TBC1D9B: variants seen among roughly 807,000 people sequenced by gnomAD.
TBC1D9B encodes TBC1 domain family, member 9B (with GRAM domain).
Under a neutral mutation model 121.1 loss-of-function variants are expected in TBC1D9B, and 87 were observed. That is an observed-to-expected ratio of 0.72 (90% CI 0.60 to 0.86). The LOEUF is 0.86. Among genes scored for constraint, TBC1D9B ranks in the 40% least tolerant of loss-of-function variants. The probability of loss-of-function intolerance (pLI) is 0.00; values close to 1 mark genes in which losing one functional copy is unlikely to be tolerated. For synonymous variants in TBC1D9B, 668 were observed against 670.1 expected, an observed-to-expected ratio of 1.00 and a Z score of 0.05; for missense variants, 1,540 against 1,628.6, an observed-to-expected ratio of 0.95 and a Z score of 0.94.
chr5:179,865,411 G>A lies in TBC1D9B; in HGVS notation c.2915-51C>T, dbSNP rs756491368. On this transcript the variant is annotated intron_variant, in intron 19 of 20. Coordinates refer to ENST00000355235, the MANE Select transcript of TBC1D9B (RefSeq NM_015043.4). This position sits in a 1 kb window ranked among gnomAD's most constrained non-coding sequence, Gnocchi z 5.1. ...ATCTTTGTCATGTGAGACGGCTGCG[G>A]GCTGACAGCAGGGAGAGGAAGAGTT... 6 of 1,554,124 alleles carry A rather than the reference G, an allele frequency of 3.9e-6. No individual in the cohort carries two copies. In the East Asian group the frequency reaches 9.0e-5, roughly 23 times the overall value.
At chr5:179,877,554 C>A (rs11952949) in intron 10 of TBC1D9B, among the ~76,000 whole-genome samples, 3 of 151,148 alleles carry the variant, frequency 2.0e-5, no homozygotes, top group African/African-American at 7.3e-5. Flanking sequence ...ATCCCAGCTA[C>A]TCAAGAGGCT....
At chr5:179,882,780 C>G (rs750343291) in intron 7 of TBC1D9B, among the ~76,000 whole-genome samples, 8 of 152,140 alleles carry the variant, frequency 5.3e-5, no homozygotes, top group Non-Finnish European at 1.2e-4. Flanking sequence ...ACCTGGGAGG[C>G]AGAGGTTGCA....
chr5:179,900,536 T>C (rs1410338441), intron 2 of TBC1D9B, among the ~76,000 whole-genome samples: 1 of 152,124 alleles, frequency 6.6e-6, no homozygotes, highest in Admixed American at 6.5e-5. Context: ...TCAGATTCTG[T>C]AAGGTGGCCG....
At position 179,890,431 on chromosome 5, in the gene TBC1D9B, C is replaced by T. The variant is rs778752937; in HGVS notation, c.1044+948G>A. ...TGGGGGACAGGTCAGTACAGTGCCC[C>T]GGACAGATCCACAGGGCCCTGGTGC... On this transcript the variant is annotated intron_variant, in intron 6 of 20. Transcript: ENST00000355235. The surrounding 1 kb of genome is among the most constrained non-coding windows in gnomAD (Gnocchi z 5.0). 5.5e-4 allele frequency among the ~76,000 whole-genome samples: 83 copies of T among 152,276 alleles called. No homozygotes were observed. The highest frequency in any genetic ancestry group is 7.9e-4 in the Non-Finnish European group (54 of 68,018).
rs756007870 is a variant in TBC1D9B at position 179,899,220 on chromosome 5, T to TCTTC, written c.313_316dup (p.Asp106GlyfsTer37). 1 of 1,613,936 alleles carries TCTTC rather than the reference T, an allele frequency of 6.2e-7. No individual in the cohort carries two copies. Among genetic ancestry groups the TCTTC allele is most frequent in the South Asian group, 1.1e-5 (1 of 91,064 alleles). On this transcript the variant is annotated frameshift_variant, in exon 3 of 21. Coordinates refer to ENST00000355235, the MANE Select transcript of TBC1D9B (RefSeq NM_015043.4). LOFTEE classifies it high-confidence loss of function. ...CTTGCCCTTGACGAAGGTGGTGATATCTTCCTCACTGTCGAAGATGGACAG... is the reference window on the plus strand; with the variant it reads ...CTTGCCCTTGACGAAGGTGGTGATATCTTCCTTCCTCACTGTCGAAGATGGACAG...
rs1181672064 is a variant in TBC1D9B at position 179,893,342 on chromosome 5, C to T, written c.703G>A (p.Gly235Ser). The change falls in exon 5 of 21, where the codon GGC (glycine) becomes AGC (serine). Residue 235 changes from glycine (G) to serine (S), a missense_variant. Transcript: ENST00000355235. Reference sequence around the variant, plus strand: ...TGCTCCATGAGCTTGAAGGTCTCGCCGATGTTGAGGAACATGGAGAAGAAG... The same window carrying T: ...TGCTCCATGAGCTTGAAGGTCTCGCTGATGTTGAGGAACATGGAGAAGAAG... The part of the protein sequence containing the change: ...ELFFSMFLNI[G>S]ETFKLMEQLA... 6.2e-6 allele frequency: 10 copies of T among 1,614,028 alleles called. No homozygotes were observed. The East Asian group carries it at 6.7e-5, about 11-fold the overall frequency.
intron 7 of TBC1D9B, among the ~76,000 whole-genome samples, chr5:179,886,192 C>G (rs1429923370): frequency 6.6e-6 from 1 of 152,196 alleles, no homozygotes; most frequent in African/African-American, 2.4e-5. Context: ...TACCCACAGC[C>G]CTTATCACTG....
chr5:179,880,662 T>C (rs1044427254), intron 7 of TBC1D9B, among the ~76,000 whole-genome samples: 11 of 152,166 alleles, frequency 7.2e-5, no homozygotes, highest in African/African-American at 1.9e-4. Flanking sequence ...ACGTACCAAA[T>C]TGTATTCCTT....
chr5:179,863,296 T>C lies in TBC1D9B; in HGVS notation c.*152A>G. 1 of 893,748 alleles carries C rather than the reference T, an allele frequency of 1.1e-6. No individual in the cohort carries two copies. The highest frequency in any genetic ancestry group is 1.8e-5 in the South Asian group (1 of 56,170). The allele number at this position is 893,748 out of a possible 1,614,324, so 55.4% of individuals were successfully genotyped here. The stretch of plus-strand genomic sequence containing the variant: ...GGAATCTGTCTAAGGCAGCTGGGTC[T>C]GCACCAGCCTTCTTTCCACTCACAA... On this transcript the variant is annotated 3_prime_UTR_variant, in exon 21 of 21. Transcript: ENST00000355235. This position sits in a 1 kb window ranked among gnomAD's most constrained non-coding sequence, Gnocchi z 4.5.
At chr5:179,883,501 T>C (rs2113626088) in intron 7 of TBC1D9B, among the ~76,000 whole-genome samples, 1 of 152,312 alleles carries the variant, frequency 6.6e-6, no homozygotes, top group East Asian at 1.9e-4. Flanking sequence ...TTTTCATTCT[T>C]GTGTTCCTGA....
intron 3 of TBC1D9B, among the ~76,000 whole-genome samples, chr5:179,895,718 T>TG (rs1760999491): frequency 6.6e-6 from 1 of 152,226 alleles, no homozygotes. Context: ...TCAAGGTCAG[T>TG]GCTGGTGGCT....
chr5:179,904,359 G>A lies in TBC1D9B; in HGVS notation c.229+343C>T, dbSNP rs1761248869. On this transcript the variant is annotated intron_variant, in intron 2 of 20. Coordinates refer to ENST00000355235, the MANE Select transcript of TBC1D9B (RefSeq NM_015043.4). The surrounding 1 kb of genome is among the most constrained non-coding windows in gnomAD (Gnocchi z 4.2). ...CCTGCCTCAGCCTCCCGAGTAGCTG[G>A]GACTACAGGCCTCCGCCACCACCCC... Among the ~76,000 whole-genome samples, 1 of 151,876 alleles carries A rather than the reference G, an allele frequency of 6.6e-6. No individual in the cohort carries two copies. Among genetic ancestry groups the A allele is most frequent in the South Asian group, 2.1e-4 (1 of 4,828 alleles).
chr5:179,886,627 G>A (rs1760693783), intron 7 of TBC1D9B, among the ~76,000 whole-genome samples: 2 of 152,224 alleles, frequency 1.3e-5, no homozygotes, highest in South Asian at 4.1e-4. Context: ...GGCAGACAAT[G>A]TAAAGGTCTG....
rs768868366 is a variant in TBC1D9B, at chr5:179,865,806, C to G, written c.2914+32G>C. ...AGCAAGGGTGCCTCAACGCTGGGGT[C>G]TCTAAGAACAGCGGCAGAGAATGGC... On this transcript the variant is annotated intron_variant, in intron 19 of 20. Transcript: ENST00000355235. The surrounding 1 kb of genome is among the most constrained non-coding windows in gnomAD (Gnocchi z 5.1). 6.4e-7 allele frequency: 1 copy of G among 1,571,318 alleles called. No homozygotes were observed. Among genetic ancestry groups the G allele is most frequent in the Non-Finnish European group, 8.6e-7 (1 of 1,158,296 alleles).
chr5:179,867,904 A>G, intron 17 of TBC1D9B, 55 bp from the exon 18 acceptor site: 2 of 1,480,226 alleles, frequency 1.4e-6, no homozygotes, highest in East Asian at 2.3e-5. Context: ...AGATCCTCTC[A>G]GAGTAAGTTC....
At chr5:179,872,538 T>A (rs1224085634) in intron 14 of TBC1D9B, 1 of 281,094 alleles carries the variant, frequency 3.6e-6, no homozygotes, top group Admixed American at 4.8e-5. Context: ...ACACATGCCA[T>A]TTGGGGTGTG....
At position 179,891,422 on chromosome 5, in the gene TBC1D9B, C is replaced by T. The variant is rs200225704; in HGVS notation, c.1001G>A (p.Ser334Asn). Residue 334 changes from serine (S) to asparagine (N), a missense_variant, in exon 6 of 21, where the codon AGC (serine) becomes AAC (asparagine). Physicochemically the swap from Ser to Asn is conservative, Grantham distance 46. Transcript: ENST00000355235. This position sits in a 1 kb window ranked among gnomAD's most constrained non-coding sequence, Gnocchi z 4.3. ...GAGGTGGCAAGCGTCCTCCTCCTTG[C>T]TGGCGAAGCAGATGTAGTTGTTGGA... ...FISNNYICFA[S>N]KEEDACHLII... 2.1e-4 allele frequency: 335 copies of T among 1,614,130 alleles called. No homozygotes were observed. The highest frequency in any genetic ancestry group is 2.9e-5 in the Non-Finnish European group (34 of 1,180,046).
rs1036480184 is a variant in TBC1D9B at position 179,885,317 on chromosome 5, C to T, written c.1254+2786G>A. ...TAAAAAATGATGGAGTGGCCAGGCA[C>T]GGTGGCTCACCCCTGTAATCCCAGC... On this transcript the variant is annotated intron_variant, in intron 7 of 20. Coordinates refer to ENST00000355235, the MANE Select transcript of TBC1D9B (RefSeq NM_015043.4). The surrounding 1 kb of genome is among the most constrained non-coding windows in gnomAD (Gnocchi z 4.5). Among the ~76,000 whole-genome samples, 4 of 152,144 alleles carry T rather than the reference C, an allele frequency of 2.6e-5. No homozygotes were observed. The highest frequency in any genetic ancestry group is 1.3e-4 in the Admixed American group (2 of 15,264).
In TBC1D9B at chr5:179,891,142, A is replaced by G. The variant is rs1760850090; in HGVS notation, c.1044+237T>C. ...ACTAGGCAAGTGACCTGAGAGGGCA[A>G]GCAGTGTGCCCCCACCATGTTACCT... On this transcript the variant is annotated intron_variant, in intron 6 of 20. Coordinates refer to ENST00000355235, the MANE Select transcript of TBC1D9B (RefSeq NM_015043.4). This position sits in a 1 kb window ranked among gnomAD's most constrained non-coding sequence, Gnocchi z 4.3. 6.6e-6 allele frequency among the ~76,000 whole-genome samples: 1 copy of G among 152,238 alleles called. No individual in the cohort carries two copies.
Sources: gnomAD v4.1 joint callset for allele counts (sites outside exome capture counted in the v4.1 genomes callset) on GRCh38, gnomAD v4.1.1 for gene constraint, Gnocchi (gnomAD v3.1) non-coding constraint, MANE v1.5 for transcripts, NCBI Gene and HGNC (gene_info 2026-07-23, HGNC 2026-07-21) for gene names.